RAPGEF2: variants seen among roughly 807,000 people sequenced by gnomAD.
RAPGEF2 encodes Rap guanine nucleotide exchange factor 2.
In RAPGEF2, 54 loss-of-function variants were observed where a neutral mutation model predicts 186.7. The ratio of observed to expected loss-of-function variants is 0.29; its 90% confidence interval spans 0.23 to 0.36. The LOEUF (loss-of-function observed/expected upper bound fraction) is 0.36, where lower values mean the gene tolerates loss of function less well. Ranked by LOEUF, RAPGEF2 falls within the 10% of genes least tolerant of loss-of-function variation. RAPGEF2 has a pLI of 1.00. For synonymous variants in RAPGEF2, 712 were observed against 705.9 expected (o/e 1.01, Z -0.14); for missense variants, 1,532 against 2,045.0 (o/e 0.75, Z 4.84).
In RAPGEF2 at chr4:159,198,335, T is replaced by G. The variant is rs1579440768; in HGVS notation, c.197+5079T>G. On this transcript the variant is annotated intron_variant, in intron 3 of 29. Coordinates refer to ENST00000691494, the MANE Select transcript of RAPGEF2 (RefSeq NM_001394067.2). ...CTTTCTTTCTTTCTTTCTTTCTTTCTTTTTCTTTCTCTCTCTTTCCTTCCT... is the reference window on the plus strand; with the variant it reads ...CTTTCTTTCTTTCTTTCTTTCTTTCGTTTTCTTTCTCTCTCTTTCCTTCCT... Among the ~76,000 whole-genome samples, 2 of 43,572 alleles carry G rather than the reference T, an allele frequency of 4.6e-5. 1 individual carries two copies. Among genetic ancestry groups the G allele is most frequent in the African/African-American group, 3.7e-4 (2 of 5,476 alleles). The allele number at this position is 43,572 out of a possible 152,430, so 28.6% of individuals were successfully genotyped here. A position where few individuals can be genotyped will look rare whatever the true frequency, so the allele number is the denominator to read the frequency against.
chr4:159,140,183 A>G (rs1232081389), intron 1 of RAPGEF2, among the ~76,000 whole-genome samples: 1 of 152,208 alleles, frequency 6.6e-6, no homozygotes, highest in Non-Finnish European at 1.5e-5. Flanking sequence ...AACGTTTTAT[A>G]CTATTAGGAG....
chr4:159,272,774 G>A (rs1180621443), intron 7 of RAPGEF2, among the ~76,000 whole-genome samples: 1 of 152,210 alleles, frequency 6.6e-6, no homozygotes, highest in African/African-American at 2.4e-5. Flanking sequence ...CACTGTTAGA[G>A]TAGACTGTGT....
intron 1 of RAPGEF2, among the ~76,000 whole-genome samples, chr4:159,125,533 C>T (rs752380397): frequency 1.2e-4 from 18 of 151,862 alleles, no homozygotes; most frequent in Admixed American, 2.0e-4. Flanking sequence ...CTGGGGTGGG[C>T]GGAACATGAG....
chr4:159,238,959 A>G, intron 5 of RAPGEF2, 75 bp downstream of exon 5: 1 of 824,596 alleles, frequency 1.2e-6, no homozygotes, highest in Non-Finnish European at 1.7e-6. Context: ...TAAACTGCTT[A>G]TAATATTAGA....
At chr4:159,239,531 G>C (rs1355002827) in intron 5 of RAPGEF2, among the ~76,000 whole-genome samples, 1 of 152,032 alleles carries the variant, frequency 6.6e-6, no homozygotes, top group Non-Finnish European at 1.5e-5. Context: ...ATGTAATTTT[G>C]TGACAAAAAT....
intron 20 of RAPGEF2, 113 bp downstream of exon 20, chr4:159,342,060 TAA>T (rs1236530121): frequency 9.5e-7 from 1 of 1,049,444 alleles, no homozygotes; most frequent in African/African-American, 1.6e-5. Context: ...AATTGACTCA[TAA>T]GAGACAATTC....
chr4:159,326,636 G>A (rs536652509), intron 11 of RAPGEF2: 2 of 152,306 alleles, frequency 1.3e-5, no homozygotes, highest in South Asian at 2.1e-4. Flanking sequence ...TCCCACTTCA[G>A]TGTCTATTCT....
intron 7 of RAPGEF2, among the ~76,000 whole-genome samples, chr4:159,302,769 A>AT (rs969632052): frequency 2.0e-5 from 3 of 151,240 alleles, no homozygotes; most frequent in Non-Finnish European, 4.4e-5. Context: ...ATATTTTTTT[A>AT]TTTTTTTTAC....
chr4:159,330,798 C>T (rs1275012066), intron 13 of RAPGEF2: 1 of 300,442 alleles, frequency 3.3e-6, no homozygotes, highest in Non-Finnish European at 6.1e-6. Flanking sequence ...ACATAAACAT[C>T]TGGATTCCAT....
chr4:159,122,410 C>G (rs1226421997), intron 1 of RAPGEF2, among the ~76,000 whole-genome samples: 1 of 151,236 alleles, frequency 6.6e-6, no homozygotes, highest in Admixed American at 6.6e-5. Context: ...ACTCAGGAGG[C>G]AGAGATTGCA....
chr4:159,328,993 C>T (rs1440387366), intron 11 of RAPGEF2: 4 of 152,040 alleles, frequency 2.6e-5, no homozygotes, highest in Admixed American at 2.6e-4. Flanking sequence ...ATCTTATTTA[C>T]AATATAATTT....
At chr4:159,189,465 C>T (rs1001187860) in intron 2 of RAPGEF2, among the ~76,000 whole-genome samples, 11 of 139,978 alleles carry the variant, frequency 7.9e-5, no homozygotes, top group African/African-American at 2.2e-4. Flanking sequence ...TATTTGCCAG[C>T]GGGGAAGAGT....
intron 8 of RAPGEF2, among the ~76,000 whole-genome samples, chr4:159,308,436 G>C (rs1480844392): frequency 2.0e-5 from 3 of 152,196 alleles, no homozygotes; most frequent in African/African-American, 7.2e-5. Context: ...TGAGAAGTCT[G>C]ACATGCATCT....
intron 1 of RAPGEF2, among the ~76,000 whole-genome samples, chr4:159,177,951 C>T (rs1001148824): frequency 1.3e-5 from 2 of 152,140 alleles, no homozygotes; most frequent in African/African-American, 4.8e-5. Context: ...GTCCTGTGAC[C>T]AGTGTCGCTT....
At chr4:159,113,834 G>A (rs1308838634) in intron 1 of RAPGEF2, among the ~76,000 whole-genome samples, 1 of 151,406 alleles carries the variant, frequency 6.6e-6, no homozygotes, top group Non-Finnish European at 1.5e-5. Context: ...TATTTTGTAT[G>A]TATTGAACCA....
At chr4:159,105,115 AGG>A (rs1737738120) in intron 1 of RAPGEF2, among the ~76,000 whole-genome samples, 1 of 152,082 alleles carries the variant, frequency 6.6e-6, no homozygotes, top group Non-Finnish European at 1.5e-5. Flanking sequence ...TTTACTGGAG[AGG>A]GGGAAATTTT....
At chr4:159,194,181 G>C (rs1748392008) in intron 3 of RAPGEF2, among the ~76,000 whole-genome samples, 1 of 152,186 alleles carries the variant, frequency 6.6e-6, no homozygotes, top group Admixed American at 6.5e-5. Context: ...TATGTGCTGG[G>C]ACGCAGAGAG....
At chr4:159,280,641 T>C (rs1579741730) in intron 7 of RAPGEF2, among the ~76,000 whole-genome samples, 2 of 152,164 alleles carry the variant, frequency 1.3e-5, no homozygotes, top group Non-Finnish European at 2.9e-5. Context: ...GAAAAAGATA[T>C]TGTCGTCAAG....
intron 17 of RAPGEF2, among the ~76,000 whole-genome samples, chr4:159,335,630 G>A (rs1217754259): frequency 4.6e-5 from 7 of 151,934 alleles, no homozygotes; most frequent in Non-Finnish European, 8.8e-5. Flanking sequence ...GTCGGATCAC[G>A]AGGTCAGGAG....
Sources: allele counts gnomAD v4.1 joint callset (sites outside exome capture counted in the v4.1 genomes callset), GRCh38; gene constraint gnomAD v4.1.1; transcripts MANE v1.5; gene names NCBI Gene and HGNC (gene_info 2026-07-23, HGNC 2026-07-21).